The following ZNF14 variants were observed in gnomAD, a reference collection of about 807,000 sequenced individuals.
The protein encoded by ZNF14 is gonadotropin inducible transcription repressor-4.
Under a neutral mutation model 11.3 loss-of-function variants are expected in ZNF14, and 9 were observed. The ratio of observed to expected loss-of-function variants is 0.80; its 90% confidence interval spans 0.48 to 1.39. The LOEUF (loss-of-function observed/expected upper bound fraction) is 1.39. ZNF14 is among the 40% of genes most tolerant of loss of function. The pLI is 0.00. For missense variants in ZNF14, 711 were observed against 763.9 expected, an observed-to-expected ratio of 0.93 and a Z score of 0.82; for synonymous variants, 239 against 245.7, an observed-to-expected ratio of 0.97 and a Z score of 0.25.
In ZNF14 at chr19:19,714,477, G is replaced by A. The variant is rs2062371930; in HGVS notation, c.14C>T (p.Ser5Phe). The stretch of plus-strand genomic sequence containing the variant: ...GAAGTTCACGGCCACATCCTCAAAG[G>A]AGACTGAGTCCTGAAACATTCCACA... MDSV[S>F]FEDVAVNFTL... The change falls in exon 2 of 4, where the codon TCC (serine) becomes TTC (phenylalanine). Residue 5 changes from serine to phenylalanine, a missense_variant. Transcript: ENST00000344099. 7 of 1,613,206 alleles carry A rather than the reference G, an allele frequency of 4.3e-6. No individual in the cohort carries two copies. Among genetic ancestry groups the A allele is most frequent in the African/African-American group, 1.3e-5 (1 of 74,936 alleles).
Position 19,711,684 on chromosome 19 carries a change from A to G in ZNF14, c.1597T>C (p.Cys533Arg). The change falls in exon 4 of 4, where the codon TGT (cysteine) becomes CGT (arginine). Residue 533 changes from cysteine to arginine, a missense_variant. Physicochemically the swap from Cys to Arg is radical, Grantham distance 180. Transcript: ENST00000344099. ...AGGAAGGCCTTACCACATTGCTTAC[A>G]CTCAAAAGGCTTATTTCCAGTGTGA... ...KIHTGNKPFE[C>R]KQCGKAFLRS... 1.2e-6 allele frequency: 2 copies of G among 1,614,030 alleles called. No homozygotes were observed. Among genetic ancestry groups the G allele is most frequent in the Non-Finnish European group, 8.5e-7 (1 of 1,180,024 alleles).
rs1321519634 is a variant in ZNF14 at position 19,732,955 on chromosome 19, C to T, written c.3+1G>A. The T allele has an allele frequency of 6.2e-7, 1 of 1,613,790 alleles. No individual in the cohort carries two copies. The highest frequency in any genetic ancestry group is 1.3e-5 in the African/African-American group (1 of 75,062). On this transcript the variant is annotated splice_donor_variant, in intron 1 of 3. Transcript: ENST00000344099. LOFTEE classifies it high-confidence loss of function. ...CTCGGACACTGGCCCCGCACACTCA[C>T]CATTTCCCAGCGTCCGGGAAGTCAC... is the stretch of plus-strand genomic sequence containing the variant.
At chr19:19,719,017 C>T (rs1029359094) in intron 1 of ZNF14, among the ~76,000 whole-genome samples, 1 of 152,110 alleles carries the variant, frequency 6.6e-6, no homozygotes, top group South Asian at 2.1e-4. Flanking sequence ...CTGCCCACCT[C>T]GACCTCCCAA....
rs2062414251 is a variant in ZNF14 at position 19,728,866 on chromosome 19, C to T, written c.3+4090G>A. Among the ~76,000 whole-genome samples, 2 of 151,630 alleles carry T rather than the reference C, an allele frequency of 1.3e-5. 1 individual carries two copies. The highest frequency in any genetic ancestry group is 4.2e-4 in the South Asian group (2 of 4,788). On this transcript the variant is annotated intron_variant, in intron 1 of 3. Transcript: ENST00000344099. ...CTTTTGAGAAATTTTGCCTTCCAAC[C>T]TTGTTATAATTATGCCAAAAGTCAA...
chr19:19,728,009 G>C lies in ZNF14; in HGVS notation c.3+4947C>G, dbSNP rs1010642408. 6.8e-5 allele frequency among the ~76,000 whole-genome samples: 9 copies of C among 132,126 alleles called. 2 individuals carry two copies. The highest frequency in any genetic ancestry group is 2.5e-4 in the African/African-American group (9 of 35,596). 86.7% of individuals were successfully genotyped at this position (132,126 alleles called of 152,430 possible). A position where few individuals can be genotyped will look rare whatever the true frequency, so the allele number is the denominator to read the frequency against. The stretch of plus-strand genomic sequence containing the variant: ...CTCATGCCTATAATCCCAGCCACTC[G>C]GGAGGCTGAGGCAGGAGAATCGCTT... On this transcript the variant is annotated intron_variant, in intron 1 of 3. Coordinates refer to ENST00000344099, the MANE Select transcript of ZNF14 (RefSeq NM_021030.3).
chr19:19,718,648 C>A (rs977089448), intron 1 of ZNF14, among the ~76,000 whole-genome samples: 1 of 152,126 alleles, frequency 6.6e-6, no homozygotes, highest in African/African-American at 2.4e-5. Flanking sequence ...ATAAATACCC[C>A]CAAATCCACA....
chr19:19,715,009 C>T (rs1168552994), intron 1 of ZNF14, among the ~76,000 whole-genome samples: 4 of 152,236 alleles, frequency 2.6e-5, no homozygotes, highest in Non-Finnish European at 2.9e-5. Flanking sequence ...TGTGCCTGGT[C>T]AATTACTTCT....
intron 1 of ZNF14, among the ~76,000 whole-genome samples, chr19:19,730,436 A>G (rs909598656): frequency 6.6e-6 from 1 of 152,216 alleles, no homozygotes; most frequent in East Asian, 1.9e-4. Context: ...AATACAATCA[A>G]TGATGACTCA....
intron 1 of ZNF14, among the ~76,000 whole-genome samples, chr19:19,719,567 G>T (rs1421089838): frequency 6.6e-6 from 1 of 152,142 alleles, no homozygotes; most frequent in Non-Finnish European, 1.5e-5. Flanking sequence ...CAAAGGCAAT[G>T]AGTAAAACTT....
chr19:19,729,509 G>A (rs953897405), intron 1 of ZNF14, among the ~76,000 whole-genome samples: 2 of 151,860 alleles, frequency 1.3e-5, no homozygotes, highest in South Asian at 4.1e-4. Flanking sequence ...GAGAGACAAA[G>A]TTTCACCACG....
In ZNF14 at chr19:19,712,710, G is replaced by A; in HGVS notation, c.571C>T (p.His191Tyr). 1 of 1,613,508 alleles carries A rather than the reference G, an allele frequency of 6.2e-7. No homozygotes were observed. The highest frequency in any genetic ancestry group is 8.5e-7 in the Non-Finnish European group (1 of 1,179,808). Residue 191 changes from histidine (H) to tyrosine (Y), a missense_variant, in exon 4 of 4, where the codon CAT becomes TAT. By Grantham distance (83) the His-to-Tyr change is moderately conservative. Coordinates refer to ENST00000344099, the MANE Select transcript of ZNF14 (RefSeq NM_021030.3). Reference protein sequence around the residue: ...YQPFQRHERTHAGQKPYECKQ... With the variant: ...YQPFQRHERTYAGQKPYECKQ... ...CATTCATAGGGTTTCTGTCCAGCATGAGTCCTTTCATGTCTTTGAAATGGC... is the reference window on the plus strand; with the variant it reads ...CATTCATAGGGTTTCTGTCCAGCATAAGTCCTTTCATGTCTTTGAAATGGC...
At chr19:19,728,962 A>C (rs983976652) in intron 1 of ZNF14, among the ~76,000 whole-genome samples, 1 of 152,202 alleles carries the variant, frequency 6.6e-6, no homozygotes, top group African/African-American at 2.4e-5. Flanking sequence ...GATTGGAAAC[A>C]AAGATTACAC....
At position 19,725,021 on chromosome 19, in the gene ZNF14, T is replaced by C. The variant is rs1380840217; in HGVS notation, c.3+7935A>G. ...CCTGAATACAGCACACTGATGGGTG[T>C]TGACTCTTTATCCAATTTGCCAGTC... On this transcript the variant is annotated intron_variant, in intron 1 of 3. Coordinates refer to ENST00000344099, the MANE Select transcript of ZNF14 (RefSeq NM_021030.3). Among the ~76,000 whole-genome samples, 2 of 133,804 alleles carry C rather than the reference T, an allele frequency of 1.5e-5. 1 individual carries two copies. The highest frequency in any genetic ancestry group is 3.3e-5 in the Non-Finnish European group (2 of 60,230). 87.8% of individuals were successfully genotyped at this position (133,804 alleles called of 152,430 possible). A position where few individuals can be genotyped will look rare whatever the true frequency, so the allele number is the denominator to read the frequency against.
Position 19,711,104 on chromosome 19 carries a change from CA to C in ZNF14, c.*247del, listed in dbSNP as rs1409957440. On this transcript the variant is annotated 3_prime_UTR_variant, in exon 4 of 4. Coordinates refer to ENST00000344099, the MANE Select transcript of ZNF14 (RefSeq NM_021030.3). ...TTTTAAAAAAACAAAAAACAAAAAA[CA>C]AAACAGATTTCACTGCAGCACGAGT... The C allele has an allele frequency of 1.4e-5, 6 of 424,962 alleles. No homozygotes were observed. Among genetic ancestry groups the C allele is most frequent in the Non-Finnish European group, 2.4e-5 (6 of 248,550 alleles). 26.3% of individuals were successfully genotyped at this position (424,962 alleles called of 1,614,324 possible). A position where few individuals can be genotyped will look rare whatever the true frequency, so the allele number is the denominator to read the frequency against.
At chr19:19,728,985 T>C (rs183040321) in intron 1 of ZNF14, among the ~76,000 whole-genome samples, 137 of 152,168 alleles carry the variant, frequency 9.0e-4, no homozygotes, top group African/African-American at 2.9e-3. Flanking sequence ...AGTAATCTTT[T>C]CCCCCCGACA....
At chr19:19,732,232 C>G (rs998783419) in intron 1 of ZNF14, among the ~76,000 whole-genome samples, 4 of 152,176 alleles carry the variant, frequency 2.6e-5, no homozygotes, top group Non-Finnish European at 4.4e-5. Context: ...ACAATTAATT[C>G]CATCCAGAAA....
chr19:19,726,653 C>T (rs533144103), intron 1 of ZNF14, among the ~76,000 whole-genome samples: 2 of 133,934 alleles, frequency 1.5e-5, no homozygotes, highest in East Asian at 4.2e-4. Flanking sequence ...GTTTCTGCTG[C>T]CTTTTGTTCA....
In ZNF14 at chr19:19,714,135, G is replaced by C; in HGVS notation, c.147C>G (p.Asp49Glu). The C allele has an allele frequency of 6.2e-7, 1 of 1,612,750 alleles. No homozygotes were observed. The highest frequency in any genetic ancestry group is 2.2e-5 in the East Asian group (1 of 44,870). Reference sequence around the variant, plus strand: ...TTCTGTGGTCATCTTCAATGTCCTGGTCTTCCCACTTTTTTCCTAAAATGC... The same window carrying C: ...TTCTGTGGTCATCTTCAATGTCCTGCTCTTCCCACTTTTTTCCTAAAATGC... The part of the protein sequence containing the change: ...NLVCLGKKWE[D>E]QDIEDDHRNQ... Residue 49 changes from aspartate (D) to glutamate (E), a missense_variant, in exon 3 of 4, where the codon GAC becomes GAG. Physicochemically the swap from Asp to Glu is conservative, Grantham distance 45 (BLOSUM62 2). Transcript: ENST00000344099.
chr19:19,725,168 T>C (rs1287350521), intron 1 of ZNF14, among the ~76,000 whole-genome samples: 1 of 134,022 alleles, frequency 7.5e-6, no homozygotes, highest in Non-Finnish European at 1.7e-5. Context: ...AGTTTCTTCC[T>C]AGCATCAACG....
Sources: gnomAD v4.1 joint callset for allele counts (sites outside exome capture counted in the v4.1 genomes callset) on GRCh38, gnomAD v4.1.1 for gene constraint, MANE v1.5 for transcripts, NCBI Gene and HGNC (gene_info 2026-07-23, HGNC 2026-07-21) for gene names.